Variants in L3MBTL4 observed in about 807,000 individuals in gnomAD.
L3MBTL4 encodes the protein L3MBTL histone methyl-lysine binding protein 4.
A neutral mutation model predicts 84.5 loss-of-function variants in L3MBTL4; 70 were observed. The observed-to-expected ratio is 0.83, with a 90% CI of 0.68 to 1.01. L3MBTL4 has a LOEUF of 1.01. Ranked by LOEUF, L3MBTL4 falls within the 50% of genes least tolerant of loss-of-function variation. L3MBTL4 has a pLI of 0.00. For synonymous variants in L3MBTL4, 274 were observed against 259.8 expected, an observed-to-expected ratio of 1.05 and a Z score of -0.52; for missense variants, 715 against 754.8, an observed-to-expected ratio of 0.95 and a Z score of 0.62.
At chr18:6,019,148 A>G (rs2055135323) in intron 16 of L3MBTL4, among the ~76,000 whole-genome samples, 1 of 152,198 alleles carries the variant, frequency 6.6e-6, no homozygotes, top group African/African-American at 2.4e-5. Flanking sequence ...ACAGTCACAG[A>G]TTTTATACCA....
intron 16 of L3MBTL4, among the ~76,000 whole-genome samples, chr18:6,003,714 A>G (rs1376100200): frequency 6.6e-6 from 1 of 152,058 alleles, no homozygotes; most frequent in Non-Finnish European, 1.5e-5. Flanking sequence ...TCTGACCACA[A>G]TTAGGTGAAA....
At chr18:6,190,489 T>C (rs2045022692) in intron 12 of L3MBTL4, among the ~76,000 whole-genome samples, 1 of 152,214 alleles carries the variant, frequency 6.6e-6, no homozygotes, top group Non-Finnish European at 1.5e-5. Context: ...CATTATGACA[T>C]GCTTGCCAGT....
intron 13 of L3MBTL4, among the ~76,000 whole-genome samples, chr18:6,169,066 A>G (rs1450148414): frequency 2.0e-5 from 3 of 152,230 alleles, no homozygotes; most frequent in Non-Finnish European, 4.4e-5. Context: ...CAGCCAAAAA[A>G]CACATGAAAA....
intron 12 of L3MBTL4, among the ~76,000 whole-genome samples, chr18:6,175,349 CA>C (rs1422006058): frequency 6.6e-6 from 1 of 151,766 alleles, no homozygotes; most frequent in African/African-American, 2.4e-5. Context: ...AAATATCCTT[CA>C]AAAAAGACTA....
At chr18:6,415,132 G>A (rs554683393), upstream of L3MBTL4, 3 of 152,312 alleles carry the variant, frequency 2.0e-5, no homozygotes, top group Non-Finnish European at 4.4e-5. Flanking sequence ...TCCCTGGGAA[G>A]GATTCCCCCA....
At chr18:6,105,756 T>A (rs929386848) in intron 14 of L3MBTL4, among the ~76,000 whole-genome samples, 1 of 146,706 alleles carries the variant, frequency 6.8e-6, no homozygotes, top group Admixed American at 6.9e-5. Flanking sequence ...GCTAATATAG[T>A]GCCATTGCAC....
chr18:6,177,330 C>T (rs1599023648), intron 12 of L3MBTL4, among the ~76,000 whole-genome samples: 1 of 152,184 alleles, frequency 6.6e-6, no homozygotes, highest in African/African-American at 2.4e-5. Context: ...AACATGGGAA[C>T]AACAGACTTC....
chr18:6,114,532 TC>T (rs2059298655), intron 14 of L3MBTL4, among the ~76,000 whole-genome samples: 1 of 152,222 alleles, frequency 6.6e-6, no homozygotes, highest in African/African-American at 2.4e-5. Flanking sequence ...CTTTATCATT[TC>T]TTGTAGATTC....
intron 10 of L3MBTL4, among the ~76,000 whole-genome samples, chr18:6,229,279 A>G (rs141178628): frequency 3.6e-4 from 55 of 152,218 alleles, no homozygotes; most frequent in African/African-American, 1.3e-3. Flanking sequence ...TAATACAACT[A>G]AGTATGTGGG....
chr18:6,116,252 G>C (rs1342095040), intron 14 of L3MBTL4, among the ~76,000 whole-genome samples: 2 of 152,126 alleles, frequency 1.3e-5, no homozygotes. Flanking sequence ...ACTGTAACCA[G>C]AGTCATGTGA....
Position 5,984,709 on chromosome 18 carries a change from C to T in L3MBTL4, c.1445-15147G>A, listed in dbSNP as rs188850117. Among the ~76,000 whole-genome samples the T allele has an allele frequency of 5.1e-3, 776 of 152,228 alleles. 4 individuals carry two copies. Among genetic ancestry groups the T allele is most frequent in the Non-Finnish European group, 6.4e-3 (432 of 68,006 alleles). On this transcript the variant is annotated intron_variant, in intron 16 of 18. Coordinates refer to ENST00000317931, the MANE Select transcript of L3MBTL4 (RefSeq NM_001330559.2). ...TTGCTGCTCATGTTCTCATTTCTTT[C>T]TTGGTGAGAAAATTAATTGATACGC... is the stretch of plus-strand genomic sequence containing the variant.
intron 5 of L3MBTL4, among the ~76,000 whole-genome samples, chr18:6,262,500 G>T (rs374362024): frequency 3.9e-5 from 6 of 152,274 alleles, no homozygotes; most frequent in African/African-American, 1.4e-4. Context: ...ACATGGACCT[G>T]ACTCCTAGAC....
At position 6,261,977 on chromosome 18, in the gene L3MBTL4, G is replaced by A. The variant is rs145413686; in HGVS notation, c.219+1970C>T. Among the ~76,000 whole-genome samples, 548 of 152,262 alleles carry A rather than the reference G, an allele frequency of 3.6e-3. 5 individuals are homozygous for A. The highest frequency in any genetic ancestry group is 0.012 in the African/African-American group (508 of 41,542). On this transcript the variant is annotated intron_variant, in intron 5 of 18. Transcript: ENST00000317931. ...TTAATTCTGGCGGCAGAGTGGGGGG[G>A]TGGGGTGTAAGAGAGGACCCTTGCC...
rs866631710 is a variant in L3MBTL4 at position 6,072,881 on chromosome 18, A to T, written c.1444+8000T>A. 1.8e-3 allele frequency among the ~76,000 whole-genome samples: 36 copies of T among 20,408 alleles called. 1 individual carries two copies. Among genetic ancestry groups the T allele is most frequent in the Non-Finnish European group, 2.7e-3 (31 of 11,310 alleles). The allele number at this position is 20,408 out of a possible 152,430, so 13.4% of individuals were successfully genotyped here. ...ACTCCGTCTCAAAAAAAAAAAAAAA[A>T]ATATATATATATATATATATATATA... On this transcript the variant is annotated intron_variant, in intron 16 of 18. Coordinates refer to ENST00000317931, the MANE Select transcript of L3MBTL4 (RefSeq NM_001330559.2).
chr18:6,185,964 A>ATTT (rs1209043780), intron 12 of L3MBTL4, among the ~76,000 whole-genome samples: 26 of 139,604 alleles, frequency 1.9e-4, no homozygotes, highest in African/African-American at 7.0e-4. Flanking sequence ...CACTTTCTTT[A>ATTT]TTTTATTTTA....
At position 6,139,761 on chromosome 18, in the gene L3MBTL4, G is replaced by A. The variant is rs545051401; in HGVS notation, c.1097-1465C>T. Among the ~76,000 whole-genome samples, 58 of 152,164 alleles carry A rather than the reference G, an allele frequency of 3.8e-4. 2 individuals carry two copies. The South Asian group carries it at 6.8e-3, about 18-fold the overall frequency. ...ATGGCTTCCCACAGCCCTCCACAGG[G>A]GTCACATGCCTCCAGAGAGGCAGGG... On this transcript the variant is annotated intron_variant, in intron 13 of 18. Transcript: ENST00000317931.
chr18:6,003,829 C>A (rs2145300028), intron 16 of L3MBTL4, among the ~76,000 whole-genome samples: 1 of 152,054 alleles, frequency 6.6e-6, no homozygotes, highest in African/African-American at 2.4e-5. Flanking sequence ...TATTGAGAGA[C>A]AAATTTACAT....
At chr18:6,219,637 T>C (rs961911081) in intron 10 of L3MBTL4, among the ~76,000 whole-genome samples, 1 of 151,528 alleles carries the variant, frequency 6.6e-6, no homozygotes. Context: ...CAGCAATTCT[T>C]CCGGTAAAAC....
intron 16 of L3MBTL4, among the ~76,000 whole-genome samples, chr18:6,056,805 G>C (rs2057042047): frequency 6.6e-6 from 1 of 152,150 alleles, no homozygotes; most frequent in Non-Finnish European, 1.5e-5. Context: ...TGTCATTATT[G>C]AGCTGTGTGA....
Sources: gnomAD v4.1 joint callset for allele counts (sites outside exome capture counted in the v4.1 genomes callset) on GRCh38, gnomAD v4.1.1 for gene constraint, MANE v1.5 for transcripts, NCBI Gene and HGNC (gene_info 2026-07-23, HGNC 2026-07-21) for gene names.